Variants in TENM2 observed in about 807,000 individuals in gnomAD.
The protein encoded by TENM2 is teneurin-2.
Under a neutral mutation model 245.2 loss-of-function variants are expected in TENM2, and 52 were observed. The ratio of observed to expected loss-of-function variants is 0.21; its 90% CI spans 0.17 to 0.27. The LOEUF (loss-of-function observed/expected upper bound fraction) is 0.27, where lower values mean the gene tolerates loss of function less well. Among genes scored for constraint, TENM2 ranks in the 10% least tolerant of loss-of-function variants. The pLI is 1.00. For synonymous variants in TENM2, 1,363 were observed against 1,438.9 expected (o/e 0.95, Z 1.19); for missense variants, 3,046 against 3,666.8 (o/e 0.83, Z 4.37).
intron 2 of TENM2, among the ~76,000 whole-genome samples, chr5:167,407,557 C>A (rs1388061635): frequency 6.6e-6 from 1 of 152,160 alleles, no homozygotes; most frequent in Non-Finnish European, 1.5e-5. Flanking sequence ...GTGGCTCATG[C>A]CCGTAATCCC....
chr5:167,560,654 T>C (rs61475260), intron 2 of TENM2, among the ~76,000 whole-genome samples: 3,475 of 152,284 alleles, frequency 0.023, 100 homozygotes, highest in East Asian at 0.099. Context: ...GGTTTGTTTT[T>C]AGGATCAAAT....
At chr5:167,263,982 G>A in the TENM2 span, among the ~76,000 whole-genome samples, 1 of 151,834 alleles carries the variant, frequency 6.6e-6, no homozygotes, top group Non-Finnish European at 1.5e-5. Flanking sequence ...GCAGGCGCCT[G>A]TAATCCCAGC....
intron 12 of TENM2, among the ~76,000 whole-genome samples, chr5:168,161,817 TACACACACACACAC>T (rs113801768): frequency 1.4e-5 from 2 of 147,358 alleles, no homozygotes; most frequent in African/African-American, 5.0e-5. Flanking sequence ...AGCGCATGTA[TACACACACACACAC>T]ACACACACAC....
At chr5:167,592,076 C>T (rs890102766) in intron 2 of TENM2, among the ~76,000 whole-genome samples, 1 of 152,180 alleles carries the variant, frequency 6.6e-6, no homozygotes, top group East Asian at 1.9e-4. Context: ...AGCGTTCATT[C>T]CTTCTAATGA....
upstream of TENM2, among the ~76,000 whole-genome samples, chr5:167,283,896 C>T (rs1230991235): frequency 6.6e-6 from 1 of 152,132 alleles, no homozygotes; most frequent in Non-Finnish European, 1.5e-5. Context: ...GTGTCAAATG[C>T]CAGACTGTGG....
At chr5:168,203,946 C>T (rs1762142428) in intron 18 of TENM2, 114 bp downstream of exon 20, 3 of 809,854 alleles carry the variant, frequency 3.7e-6, no homozygotes, top group African/African-American at 1.8e-5. Context: ...ATTTTTTCAT[C>T]AAGTGCCCAA....
chr5:167,570,675 G>T (rs180932072), intron 2 of TENM2, among the ~76,000 whole-genome samples: 1 of 152,120 alleles, frequency 6.6e-6, no homozygotes, highest in Non-Finnish European at 1.5e-5. Context: ...GCATTTCACC[G>T]CCCTTCATGT....
intron 2 of TENM2, among the ~76,000 whole-genome samples, chr5:167,743,410 A>C (rs1039213963): frequency 5.3e-5 from 8 of 152,316 alleles, no homozygotes; most frequent in African/African-American, 1.9e-4. Context: ...TCATTCTCAA[A>C]ATGCACTGCG....
At chr5:168,243,442 A>G (rs1581744761) in intron 25 of TENM2, among the ~76,000 whole-genome samples, 1 of 152,346 alleles carries the variant, frequency 6.6e-6, no homozygotes, top group South Asian at 2.1e-4. Flanking sequence ...CATTCTTGAC[A>G]GTGACAAGAT....
intron 4 of TENM2, among the ~76,000 whole-genome samples, chr5:167,970,138 C>G (rs1781668033): frequency 6.6e-6 from 1 of 152,198 alleles, no homozygotes; most frequent in South Asian, 2.1e-4. Context: ...TGAGTTATCT[C>G]ACTTGCCAGA....
chr5:167,500,397 T>C (rs923365799), intron 2 of TENM2, among the ~76,000 whole-genome samples: 1 of 152,132 alleles, frequency 6.6e-6, no homozygotes, highest in Non-Finnish European at 1.5e-5. Context: ...ATGATCTGTA[T>C]GCTGTCACTC....
the TENM2 span, among the ~76,000 whole-genome samples, chr5:167,036,755 C>A: frequency 6.6e-6 from 1 of 152,120 alleles, no homozygotes. Flanking sequence ...TAGTTGTCTG[C>A]GTAATCAGTT....
intron 4 of TENM2, among the ~76,000 whole-genome samples, chr5:167,992,019 A>G (rs1176978923): frequency 6.6e-6 from 1 of 152,170 alleles, no homozygotes; most frequent in Admixed American, 6.5e-5. Flanking sequence ...GTAACTCAGG[A>G]ACGGAAAACC....
At chr5:168,000,723 G>C (rs546444231) in intron 5 of TENM2, among the ~76,000 whole-genome samples, 1 of 152,140 alleles carries the variant, frequency 6.6e-6, no homozygotes, top group Non-Finnish European at 1.5e-5. Flanking sequence ...ATAGGCACAG[G>C]CACGATAGAT....
chr5:167,393,137 A>G (rs1581922806), intron 2 of TENM2, among the ~76,000 whole-genome samples: 1 of 150,306 alleles, frequency 6.7e-6, no homozygotes, highest in African/African-American at 2.5e-5. Flanking sequence ...AAAAAAAAGG[A>G]AAAAAAAAGT....
chr5:168,069,776 C>T (rs1205388340), intron 7 of TENM2, among the ~76,000 whole-genome samples: 2 of 152,042 alleles, frequency 1.3e-5, no homozygotes, highest in African/African-American at 4.8e-5. Flanking sequence ...AACGTAAACA[C>T]AATAGTTTAC....
chr5:167,872,550 GAAAGAA>G (rs1484249968), intron 2 of TENM2, among the ~76,000 whole-genome samples: 2 of 42,154 alleles, frequency 4.7e-5, no homozygotes, highest in Admixed American at 2.2e-4. Flanking sequence ...GAAAGAAAGA[GAAAGAA>G]AGAAAGAAAG....
At chr5:167,438,929 G>A (rs2127456640) in intron 2 of TENM2, among the ~76,000 whole-genome samples, 1 of 152,220 alleles carries the variant, frequency 6.6e-6, no homozygotes, top group Admixed American at 6.5e-5. Flanking sequence ...GAGTAGCTGG[G>A]ATGACAGGCG....
chr5:168,002,430 T>G (rs536847622), intron 5 of TENM2, among the ~76,000 whole-genome samples: 1 of 152,258 alleles, frequency 6.6e-6, no homozygotes, highest in Non-Finnish European at 1.5e-5. Context: ...TATATTAGAC[T>G]TGCTTATATT....
Sources: gnomAD v4.1 joint callset for allele counts (sites outside exome capture counted in the v4.1 genomes callset) on GRCh38, gnomAD v4.1.1 for gene constraint, MANE v1.5 for transcripts, NCBI Gene and HGNC (gene_info 2026-07-23, HGNC 2026-07-21) for gene names.